The following ENTREP2 variants were observed in gnomAD, a reference collection of about 807,000 sequenced individuals.
ENTREP2 encodes protein ENTREP2.
the ENTREP2 span, among the ~76,000 whole-genome samples, chr15:29,339,967 T>A: frequency 6.6e-6 from 1 of 152,258 alleles, no homozygotes; most frequent in South Asian, 2.1e-4. Flanking sequence ...TTATTTCATT[T>A]TATCGTATTC....
chr15:29,630,855 G>C, the ENTREP2 span, among the ~76,000 whole-genome samples: 5 of 152,064 alleles, frequency 3.3e-5, no homozygotes, highest in African/African-American at 1.2e-4. Flanking sequence ...GCTAATTTTT[G>C]TATTTTTAGT....
the ENTREP2 span, among the ~76,000 whole-genome samples, chr15:29,149,586 G>A: frequency 1.3e-5 from 2 of 152,194 alleles, no homozygotes; most frequent in African/African-American, 4.8e-5. Context: ...CAGATGAGCG[G>A]ACTCATCCCA....
chr15:29,442,412 A>G, the ENTREP2 span, among the ~76,000 whole-genome samples: 1 of 152,220 alleles, frequency 6.6e-6, no homozygotes, highest in Non-Finnish European at 1.5e-5. Flanking sequence ...CAGAGGCTCT[A>G]AGGAGTGTAA....
the ENTREP2 span, among the ~76,000 whole-genome samples, chr15:29,510,760 T>G: frequency 1.3e-4 from 19 of 143,386 alleles, no homozygotes; most frequent in African/African-American, 5.0e-4. Context: ...TGAGCTGAGA[T>G]CATGCCGCCA....
At chr15:29,446,302 A>AC in the ENTREP2 span, among the ~76,000 whole-genome samples, 1 of 152,292 alleles carries the variant, frequency 6.6e-6, no homozygotes, top group South Asian at 2.1e-4. Flanking sequence ...CCTTTCCCAG[A>AC]CCACACTGGC....
At chr15:29,307,817 G>A in the ENTREP2 span, among the ~76,000 whole-genome samples, 40 of 152,280 alleles carry the variant, frequency 2.6e-4, no homozygotes, top group Middle Eastern at 3.4e-3. Context: ...AAGTCCTCAC[G>A]AGAACCAGAC....
chr15:29,653,823 T>TG, the ENTREP2 span, among the ~76,000 whole-genome samples: 3 of 152,226 alleles, frequency 2.0e-5, no homozygotes, highest in Admixed American at 1.3e-4. Context: ...TTAATACACG[T>TG]GGTCCAGAGA....
the ENTREP2 span, among the ~76,000 whole-genome samples, chr15:29,171,867 A>G: frequency 1.3e-5 from 2 of 152,230 alleles, no homozygotes; most frequent in African/African-American, 4.8e-5. Context: ...ATCTTTTTTC[A>G]TGAGTTAAAA....
chr15:29,642,682 G>A, the ENTREP2 span, among the ~76,000 whole-genome samples: 2 of 151,580 alleles, frequency 1.3e-5, no homozygotes, highest in Admixed American at 6.6e-5. Flanking sequence ...GCACGATCTC[G>A]GCTCACTGCA....
chr15:29,431,321 T>C, the ENTREP2 span, among the ~76,000 whole-genome samples: 2 of 152,304 alleles, frequency 1.3e-5, no homozygotes, highest in African/African-American at 4.8e-5. Context: ...ATATAACTTA[T>C]GGTTTTTATG....
chr15:29,400,975 G>A, the ENTREP2 span, among the ~76,000 whole-genome samples: 4 of 152,196 alleles, frequency 2.6e-5, no homozygotes, highest in Non-Finnish European at 5.9e-5. Context: ...GATGCACTAC[G>A]TGCTACCTCT....
the ENTREP2 span, among the ~76,000 whole-genome samples, chr15:29,245,666 T>G: frequency 1.3e-5 from 2 of 151,548 alleles, no homozygotes; most frequent in Non-Finnish European, 2.9e-5. Flanking sequence ...AACAGTAAAA[T>G]AGGTAACAAA....
the ENTREP2 span, among the ~76,000 whole-genome samples, chr15:29,135,206 C>G: frequency 2.0e-5 from 3 of 152,050 alleles, no homozygotes; most frequent in Non-Finnish European, 4.4e-5. This position sits in a 1 kb window ranked among gnomAD's most constrained non-coding sequence, Gnocchi z 7.4. Context: ...ATGCCCCAGT[C>G]CCCGAGGCCT....
the ENTREP2 span, among the ~76,000 whole-genome samples, chr15:29,228,593 T>G: frequency 5.9e-5 from 9 of 152,318 alleles, no homozygotes; most frequent in African/African-American, 1.9e-4. Flanking sequence ...GTTAATTTAG[T>G]AAACTTTATA....
chr15:29,283,024 G>T, the ENTREP2 span, among the ~76,000 whole-genome samples: 1 of 152,126 alleles, frequency 6.6e-6, no homozygotes, highest in African/African-American at 2.4e-5. Flanking sequence ...CAGGGAGCTG[G>T]GACCAAAGAC....
At chr15:29,457,209 G>A in the ENTREP2 span, among the ~76,000 whole-genome samples, 14 of 152,292 alleles carry the variant, frequency 9.2e-5, no homozygotes, top group Admixed American at 5.2e-4. Context: ...GAGGCCAGCC[G>A]GACCCCAGCC....
the ENTREP2 span, among the ~76,000 whole-genome samples, chr15:29,498,855 A>T: frequency 4.6e-5 from 7 of 152,074 alleles, no homozygotes; most frequent in South Asian, 2.1e-4. Flanking sequence ...TACATATATG[A>T]TTATTGTGTC....
chr15:29,646,744 G>A, the ENTREP2 span, among the ~76,000 whole-genome samples: 1 of 152,158 alleles, frequency 6.6e-6, no homozygotes, highest in African/African-American at 2.4e-5. Context: ...AACCAGGGAT[G>A]GAAATCTTGG....
the ENTREP2 span, among the ~76,000 whole-genome samples, chr15:29,644,709 A>G: frequency 6.6e-6 from 1 of 151,434 alleles, no homozygotes; most frequent in Non-Finnish European, 1.5e-5. Flanking sequence ...AAGCTGAGGT[A>G]GGAGAATTGC....
Sources: allele counts gnomAD v4.1 joint callset (sites outside exome capture counted in the v4.1 genomes callset), GRCh38; gene constraint gnomAD v4.1.1; non-coding constraint Gnocchi (gnomAD v3.1); transcripts MANE v1.5; gene names NCBI Gene and HGNC (gene_info 2026-07-23, HGNC 2026-07-21).